Variants in SLC49A3 observed in about 807,000 individuals in gnomAD.
SLC49A3 encodes the protein solute carrier family 49 member 3.
SLC49A3 carries 50 observed loss-of-function variants against 43.8 expected under a neutral mutation model. The observed-to-expected ratio is 1.14, with a 90% CI of 0.91 to 1.45. The LOEUF (loss-of-function observed/expected upper bound fraction) is 1.45. Among genes scored for constraint, SLC49A3 ranks in the 40% most tolerant of loss-of-function variants. SLC49A3 has a pLI of 0.00. For synonymous variants in SLC49A3, 413 were observed against 352.0 expected (o/e 1.17, Z -1.94); for missense variants, 906 against 774.1 (o/e 1.17, Z -2.02).
chr4:686,927 C>A (rs1331897414), intron 1 of SLC49A3, among the ~76,000 whole-genome samples: 1 of 152,246 alleles, frequency 6.6e-6, no homozygotes, highest in Non-Finnish European at 1.5e-5. Context: ...GGGGGGCAGA[C>A]ACTGAGGCCA....
downstream of SLC49A3, among the ~76,000 whole-genome samples, chr4:681,533 T>C (rs1465765608): frequency 8.5e-6 from 1 of 118,072 alleles, no homozygotes; most frequent in East Asian, 2.5e-4. Flanking sequence ...CCCCACACGG[T>C]CCTCCCCGAC....
At position 682,555 on chromosome 4, in the gene SLC49A3, A is replaced by G. The variant is rs181878036; in HGVS notation, c.1262-179T>C. On this transcript the variant is annotated intron_variant, in intron 9 of 9. Coordinates refer to ENST00000322224, the MANE Select transcript of SLC49A3 (RefSeq NM_032219.4). Reference sequence around the variant, plus strand: ...TGTTTGCAGACCCAGGTCCTGAGAGAGGTCACTAGCATGGGGTCTGGGATA... The same window carrying G: ...TGTTTGCAGACCCAGGTCCTGAGAGGGGTCACTAGCATGGGGTCTGGGATA... Among the ~76,000 whole-genome samples, 88 of 152,260 alleles carry G rather than the reference A, an allele frequency of 5.8e-4. 1 individual carries two copies. The East Asian group carries it at 0.016, about 28-fold the overall frequency.
chr4:685,791 C>T lies in SLC49A3; in HGVS notation c.585+44G>A, dbSNP rs1036029846. On this transcript the variant is annotated intron_variant, in intron 4 of 9. Coordinates refer to ENST00000322224, the MANE Select transcript of SLC49A3 (RefSeq NM_032219.4). The surrounding 1 kb of genome is among the most constrained non-coding windows in gnomAD (Gnocchi z 4.3). ...TCAGGAACACACAGACGTGCATGCG[C>T]ACACACCACACAGACCAGGCACGGG... 1.9e-6 allele frequency: 3 copies of T among 1,600,690 alleles called. No homozygotes were observed. The highest frequency in any genetic ancestry group is 2.6e-6 in the Non-Finnish European group (3 of 1,168,260).
upstream of SLC49A3, among the ~76,000 whole-genome samples, chr4:690,407 C>G (rs1741783477): frequency 6.6e-6 from 1 of 151,898 alleles, no homozygotes; most frequent in Non-Finnish European, 1.5e-5. Context: ...GTTCCCCATT[C>G]CCCCACCAGT....
rs1256938540 is a variant in SLC49A3 at position 683,759 on chromosome 4, C to A, written c.843G>T (p.Gly281=). ...QILCASGHSS[G]FSGLCGALFI... is the part of the protein sequence containing the mutation. ...AGAGAGCGCCACAGAGGCCGGAAAA[C>A]CCCTGGAGGAGGCGAGAAGAGGCCA... The change falls in exon 7 of 10, where the codon GGG becomes GGT. Residue 281 remains glycine (G), a splice_region_variant and synonymous_variant. Coordinates refer to ENST00000322224, the MANE Select transcript of SLC49A3 (RefSeq NM_032219.4). 1 of 1,561,888 alleles carries A rather than the reference C, an allele frequency of 6.4e-7. No individual in the cohort carries two copies. The highest frequency in any genetic ancestry group is 2.4e-5 in the East Asian group (1 of 42,082).
At chr4:688,812 G>T in intron 1 of SLC49A3, 181 bp downstream of exon 1, 3 of 1,028,388 alleles carry the variant, frequency 2.9e-6, no homozygotes, top group Non-Finnish European at 3.9e-6. Flanking sequence ...TGTGCCCTGG[G>T]CCCAGCCACC....
At chr4:684,158 G>A (rs1043229422) in intron 6 of SLC49A3, among the ~76,000 whole-genome samples, 4 of 152,236 alleles carry the variant, frequency 2.6e-5, no homozygotes, top group Non-Finnish European at 1.5e-5. Flanking sequence ...AGAAGGTGGC[G>A]CTGTCCTGCA....
downstream of SLC49A3, chr4:680,067 T>C: frequency 7.0e-7 from 1 of 1,436,366 alleles, no homozygotes; most frequent in Non-Finnish European, 9.6e-7. Flanking sequence ...TTCCTAACAG[T>C]TAGAGATCCG....
chr4:678,170 G>A (rs1739044055), downstream of SLC49A3: 1 of 1,541,466 alleles, frequency 6.5e-7, no homozygotes, highest in Admixed American at 2.0e-5. Context: ...GCCTGCATAT[G>A]TGTGTGCATG....
At chr4:686,376 C>T (rs1741036902) in intron 2 of SLC49A3, 74 bp from the exon 3 acceptor site, 1 of 1,580,016 alleles carries the variant, frequency 6.3e-7, no homozygotes, top group Non-Finnish European at 8.6e-7. Flanking sequence ...CCCCCGAGCA[C>T]CTGGACCTCC....
At position 689,032 on chromosome 4, in the gene SLC49A3, G is replaced by T. The variant is rs750084926; in HGVS notation, c.96C>A (p.Phe32Leu). The T allele has an allele frequency of 6.3e-7, 1 of 1,593,138 alleles. No homozygotes were observed. Among genetic ancestry groups the T allele is most frequent in the South Asian group, 1.1e-5 (1 of 90,302 alleles). The change falls in exon 1 of 10, where the codon TTC becomes TTA. Residue 32 changes from phenylalanine (F) to leucine (L), a missense_variant. Transcript: ENST00000322224. ...AGTTGAGCAGGCTGATCGCGAGCAG[G>T]AACACCCAGCGGCGCGCGTAGGTGC... Reference protein sequence around the residue: ...GHRTYARRWVFLLAISLLNCS... With the variant: ...GHRTYARRWVLLLAISLLNCS...
intron 5 of SLC49A3, 42 bp downstream of exon 5, chr4:684,677 A>G (rs768206030): frequency 6.2e-7 from 1 of 1,604,046 alleles, no homozygotes; most frequent in Non-Finnish European, 8.5e-7. Flanking sequence ...TCTTGCCCCC[A>G]CCCCCAAATC....
rs1175393662 is a variant in SLC49A3, at chr4:684,596, T to C, written c.727A>G (p.Met243Val). The C allele has an allele frequency of 3.7e-6, 6 of 1,612,654 alleles. No homozygotes were observed. The highest frequency in any genetic ancestry group is 5.1e-6 in the Non-Finnish European group (6 of 1,179,852). The change falls in exon 6 of 10, where the codon ATG (methionine) becomes GTG (valine). Residue 243 changes from methionine (M) to valine (V), a missense_variant. Met to Val is a conservative substitution (Grantham distance 21, BLOSUM62 1). Transcript: ENST00000322224. The stretch of plus-strand genomic sequence containing the variant: ...AGGATGACATAGGCCTTGTTCCACA[T>C]GAGCTGCTGGGAAAGAGCGTCTCAG... ...EKFLDGLKLLMWNKAYVILAV... is the reference protein window; with the variant it reads ...EKFLDGLKLLVWNKAYVILAV...
upstream of SLC49A3, among the ~76,000 whole-genome samples, chr4:691,202 G>A (rs753772845): frequency 1.1e-4 from 16 of 148,062 alleles, no homozygotes; most frequent in Non-Finnish European, 1.8e-4. Flanking sequence ...AGAGAATCTC[G>A]AACCCGGGAA....
At chr4:679,039 T>C (rs751691638), downstream of SLC49A3, 1 of 1,613,064 alleles carries the variant, frequency 6.2e-7, no homozygotes, top group East Asian at 2.2e-5. Flanking sequence ...CCTGGGTAGG[T>C]ACCCAGGCAG....
At position 684,725 on chromosome 4, in the gene SLC49A3, G is replaced by C; in HGVS notation, c.717C>G (p.Leu239=). The stretch of plus-strand genomic sequence containing the variant: ...GGGATCCCACGGCACTGACCAGCTT[G>C]AGCCCATCCAGGAACTTCTCTGAGG... ...SSTSEKFLDG[L]KLLMWNKAYV... The change falls in exon 5 of 10, where the codon CTC becomes CTG. Residue 239 remains leucine, a synonymous_variant. Transcript: ENST00000322224. The C allele has an allele frequency of 1.2e-6, 2 of 1,611,298 alleles. No homozygotes were observed. The highest frequency in any genetic ancestry group is 1.1e-5 in the South Asian group (1 of 91,046).
rs755393926 is a variant in SLC49A3, at chr4:686,317, TC to T, written c.295-16del. ...CCCAGGATGGTCTGCGAGGAGGGGG[TC>T]GGGGACCGGGTCAGGAACGCTGCCA... On this transcript the variant is annotated splice_polypyrimidine_tract_variant and intron_variant, in intron 2 of 9. Transcript: ENST00000322224. 2 of 1,611,174 alleles carry T rather than the reference TC, an allele frequency of 1.2e-6. No individual in the cohort carries two copies. The highest frequency in any genetic ancestry group is 1.7e-6 in the Non-Finnish European group (2 of 1,179,416).
At chr4:678,608 G>A (rs1468690962), downstream of SLC49A3, 1 of 1,564,940 alleles carries the variant, frequency 6.4e-7, no homozygotes, top group Non-Finnish European at 8.7e-7. Flanking sequence ...GTGCCCTGGA[G>A]GGTTTCGTCA....
rs761168652 is a variant in SLC49A3 at position 682,322 on chromosome 4, A to C, written c.1316T>G (p.Val439Gly). Reference protein sequence around the residue: ...LCTFFSCILAVFFHTPYRRLQ... With the variant: ...LCTFFSCILAGFFHTPYRRLQ... ...GCGCCGGTATGGGGTGTGGAAGAAG[A>C]CCGCCAGGATGCAGCTGAAGAAGGT... Residue 439 changes from valine (V) to glycine (G), a missense_variant, in exon 10 of 10, where the codon GTC becomes GGC. Transcript: ENST00000322224. 1 of 1,347,502 alleles carries C rather than the reference A, an allele frequency of 7.4e-7. No homozygotes were observed. Among genetic ancestry groups the C allele is most frequent in the African/African-American group, 1.5e-5 (1 of 66,672 alleles). The allele number at this position is 1,347,502 out of a possible 1,614,324, so 83.5% of individuals were successfully genotyped here.
Sources: gnomAD v4.1 joint callset for allele counts (sites outside exome capture counted in the v4.1 genomes callset) on GRCh38, gnomAD v4.1.1 for gene constraint, Gnocchi (gnomAD v3.1) non-coding constraint, MANE v1.5 for transcripts, NCBI Gene and HGNC (gene_info 2026-07-23, HGNC 2026-07-21) for gene names.